RBM46: variants seen among roughly 807,000 people sequenced by gnomAD.
RBM46 encodes probable RNA-binding protein 46.
A neutral mutation model predicts 43.3 loss-of-function variants in RBM46; 12 were observed. The ratio of observed to expected loss-of-function variants is 0.28; its 90% CI spans 0.18 to 0.45. RBM46 has a LOEUF of 0.45. RBM46 is among the 20% of genes least tolerant of loss of function. The pLI is 1.00. For synonymous variants in RBM46, 205 were observed against 207.6 expected (o/e 0.99, Z 0.11); for missense variants, 412 against 639.1 (o/e 0.64, Z 3.83).
chr4:154,824,607 C>T lies in RBM46; in HGVS notation c.1403-3261C>T, dbSNP rs569116334. Reference sequence around the variant, plus strand: ...GATTATCTTTCTGGAACAATTATACCGAAACAAGCTATTTGAGTTTCGACT... The same window carrying T: ...GATTATCTTTCTGGAACAATTATACTGAAACAAGCTATTTGAGTTTCGACT... On this transcript the variant is annotated intron_variant, in intron 4 of 4. Transcript: ENST00000281722. 1.3e-3 allele frequency among the ~76,000 whole-genome samples: 193 copies of T among 151,928 alleles called. 2 individuals carry two copies. The highest frequency in any genetic ancestry group is 6.9e-3 in the South Asian group (33 of 4,816).
At chr4:154,783,297 A>G (rs769186165) in intron 1 of RBM46, among the ~76,000 whole-genome samples, 10 of 152,178 alleles carry the variant, frequency 6.6e-5, no homozygotes, top group Non-Finnish European at 1.3e-4. Flanking sequence ...TATATGCATT[A>G]CTGGATATAT....
intron 4 of RBM46, among the ~76,000 whole-genome samples, chr4:154,815,838 T>A (rs1176227975): frequency 6.6e-6 from 1 of 152,058 alleles, no homozygotes; most frequent in Non-Finnish European, 1.5e-5. Flanking sequence ...TAGAAAACCT[T>A]TACTCACCAC....
intron 4 of RBM46, among the ~76,000 whole-genome samples, chr4:154,809,853 A>G (rs1735092984): frequency 6.6e-6 from 1 of 152,178 alleles, no homozygotes; most frequent in Non-Finnish European, 1.5e-5. Flanking sequence ...AAAAGGATTC[A>G]GATTTTAAAT....
chr4:154,815,936 C>G (rs913707174), intron 4 of RBM46, among the ~76,000 whole-genome samples: 5 of 152,100 alleles, frequency 3.3e-5, no homozygotes, highest in African/African-American at 1.2e-4. Flanking sequence ...AGAGTCCGCC[C>G]CGCTCATATG....
intron 1 of RBM46, among the ~76,000 whole-genome samples, chr4:154,789,546 C>T (rs1733970686): frequency 6.6e-6 from 1 of 152,120 alleles, no homozygotes; most frequent in Admixed American, 6.6e-5. Flanking sequence ...GGTGGATAAG[C>T]TTTTTGATGT....
chr4:154,791,805 A>G (rs546550559), intron 1 of RBM46, among the ~76,000 whole-genome samples: 2 of 152,246 alleles, frequency 1.3e-5, no homozygotes, highest in Non-Finnish European at 2.9e-5. Context: ...GTTGAATTAG[A>G]TGATTTTTAA....
At chr4:154,787,298 A>G (rs1470533577) in intron 1 of RBM46, 1 of 150,930 alleles carries the variant, frequency 6.6e-6, no homozygotes, top group Non-Finnish European at 1.5e-5. Context: ...CTCGTCATTT[A>G]CATTAGGTAT....
At position 154,781,278 on chromosome 4, in the gene RBM46, C is replaced by CG. The variant is rs1050598591; in HGVS notation, c.-169dup. On this transcript the variant is annotated 5_prime_UTR_variant, in exon 1 of 5. Transcript: ENST00000281722. ...ACCGCGCGCGCTGCGCGCTGGGAAA[C>CG]GAGTGGAGACACGAGGACCAGCGCG... The CG allele has an allele frequency of 4.3e-4, 65 of 152,390 alleles. No individual in the cohort carries two copies. The highest frequency in any genetic ancestry group is 1.4e-3 in the African/African-American group (58 of 41,578). 9.4% of individuals were successfully genotyped at this position (152,390 alleles called of 1,614,324 possible). A position where few individuals can be genotyped will look rare whatever the true frequency, so the allele number is the denominator to read the frequency against.
At chr4:154,811,304 G>A (rs183375364) in intron 4 of RBM46, among the ~76,000 whole-genome samples, 1 of 152,044 alleles carries the variant, frequency 6.6e-6, no homozygotes, top group Non-Finnish European at 1.5e-5. Context: ...AGATTTCCTG[G>A]GTTCACATTC....
At chr4:154,782,467 A>G (rs1211301706) in intron 1 of RBM46, among the ~76,000 whole-genome samples, 2 of 152,126 alleles carry the variant, frequency 1.3e-5, no homozygotes, top group Non-Finnish European at 2.9e-5. Flanking sequence ...GAAATATCAT[A>G]AGGAGTTTTT....
Position 154,801,575 on chromosome 4 carries a change from A to C in RBM46, c.1402+2011A>C, listed in dbSNP as rs1352664969. ...AGTGGGATGTAATTAGTTGCTGAGC[A>C]AGTTTCTCCCAAGATACTTGTGTCT... On this transcript the variant is annotated intron_variant, in intron 4 of 4. Transcript: ENST00000281722. 2.6e-5 allele frequency among the ~76,000 whole-genome samples: 4 copies of C among 152,182 alleles called. No individual in the cohort carries two copies. In the East Asian group the frequency reaches 7.7e-4, roughly 29 times the overall value.
intron 1 of RBM46, among the ~76,000 whole-genome samples, chr4:154,792,135 AT>A (rs1292315394): frequency 6.6e-6 from 1 of 152,160 alleles, no homozygotes; most frequent in Non-Finnish European, 1.5e-5. Context: ...GGGCAAACAG[AT>A]TTCTGATTTG....
intron 4 of RBM46, chr4:154,826,852 A>C: frequency 6.6e-7 from 1 of 1,510,436 alleles, no homozygotes; most frequent in Admixed American, 2.2e-5. Flanking sequence ...GACAACATTA[A>C]GTTAATGCAC....
chr4:154,802,378 A>G (rs532503822), intron 4 of RBM46, among the ~76,000 whole-genome samples: 32 of 152,352 alleles, frequency 2.1e-4, no homozygotes, highest in Non-Finnish European at 2.4e-4. Flanking sequence ...AGGAGGTTCT[A>G]TGTTGCCATA....
Position 154,827,878 on chromosome 4 carries a change from C to T in RBM46, c.1413C>T (p.Phe471=). 3 of 1,613,750 alleles carry T rather than the reference C, an allele frequency of 1.9e-6. No homozygotes were observed. The highest frequency in any genetic ancestry group is 2.5e-6 in the Non-Finnish European group (3 of 1,179,704). Residue 471 remains phenylalanine, a synonymous_variant, in exon 5 of 5, where the codon TTC becomes TTT. Coordinates refer to ENST00000281722, the MANE Select transcript of RBM46 (RefSeq NM_144979.5). ...TGTATTTATTTACAGACTACAATTT[C>T]CATCGCAGCTCAATAAATAGTCTTT... is the stretch of plus-strand genomic sequence containing the variant. ...QFTLLHLDYN[F]HRSSINSLSP...
chr4:154,816,221 T>G (rs777379380), intron 4 of RBM46, among the ~76,000 whole-genome samples: 1 of 152,122 alleles, frequency 6.6e-6, no homozygotes, highest in Non-Finnish European at 1.5e-5. Context: ...TTCTCAGCCC[T>G]TGAGTTTCCA....
chr4:154,786,699 C>T (rs1160323029), intron 1 of RBM46, among the ~76,000 whole-genome samples: 6 of 151,528 alleles, frequency 4.0e-5, no homozygotes, highest in South Asian at 2.1e-4. Flanking sequence ...GAGGCTGAGG[C>T]GGGTGGATCA....
At chr4:154,824,009 G>A (rs1735837082) in intron 4 of RBM46, among the ~76,000 whole-genome samples, 1 of 151,596 alleles carries the variant, frequency 6.6e-6, no homozygotes, top group African/African-American at 2.4e-5. Flanking sequence ...ATGAAAATAT[G>A]TGTATTCCAT....
chr4:154,811,386 A>G (rs1485389888), intron 4 of RBM46, among the ~76,000 whole-genome samples: 1 of 152,134 alleles, frequency 6.6e-6, no homozygotes, highest in Non-Finnish European at 1.5e-5. Context: ...TAAAATAGGA[A>G]TGATGATAAC....
Sources: allele counts gnomAD v4.1 joint callset (sites outside exome capture counted in the v4.1 genomes callset), GRCh38; gene constraint gnomAD v4.1.1; transcripts MANE v1.5; gene names NCBI Gene and HGNC (gene_info 2026-07-23, HGNC 2026-07-21).